PRXL2A: variants seen among roughly 807,000 people sequenced by gnomAD.
PRXL2A encodes peroxiredoxin like 2A.
PRXL2A carries 26 observed loss-of-function variants against 25.6 expected under a neutral mutation model. That is an observed-to-expected ratio of 1.02 (90% confidence interval 0.74 to 1.41). PRXL2A has a LOEUF of 1.41. Among genes scored for constraint, PRXL2A ranks in the 40% most tolerant of loss-of-function variants. The pLI is 0.00. For missense variants in PRXL2A, 246 were observed against 273.9 expected (o/e 0.90, Z 0.72); for synonymous variants, 98 against 102.9 (o/e 0.95, Z 0.29).
At chr10:80,429,554 CTAGCCTCTCCT>C (rs1845166743) in intron 5 of PRXL2A, among the ~76,000 whole-genome samples, 1 of 145,024 alleles carries the variant, frequency 6.9e-6, no homozygotes, top group Non-Finnish European at 1.5e-5. Flanking sequence ...CGCCCCGCCC[CTAGCCTCTCCT>C]GCCCTGCCCT....
intron 1 of PRXL2A, chr10:80,420,195 A>T (rs1844814312): frequency 9.1e-7 from 1 of 1,096,664 alleles, no homozygotes; most frequent in Non-Finnish European, 1.1e-6. Flanking sequence ...CAGCAAGAGA[A>T]CCATTTGAGA....
chr10:80,417,462 T>C (rs2131886456), intron 1 of PRXL2A, among the ~76,000 whole-genome samples: 1 of 152,272 alleles, frequency 6.6e-6, no homozygotes, highest in South Asian at 2.1e-4. Context: ...CAATTGGAGT[T>C]TGTCTGGCTT....
chr10:80,413,028 A>C (rs1270318773), intron 1 of PRXL2A, among the ~76,000 whole-genome samples: 1 of 152,136 alleles, frequency 6.6e-6, no homozygotes, highest in Non-Finnish European at 1.5e-5. Context: ...GAGGTCGAGA[A>C]GAGGATGGGT....
chr10:80,431,554 C>G (rs1845261312), intron 5 of PRXL2A, among the ~76,000 whole-genome samples: 1 of 152,018 alleles, frequency 6.6e-6, no homozygotes, highest in Non-Finnish European at 1.5e-5. Context: ...AAATGAGGGT[C>G]TCTCTTTTAG....
intron 3 of PRXL2A, among the ~76,000 whole-genome samples, 182 bp from the exon 4 acceptor site, chr10:80,425,684 G>A (rs1845016672): frequency 6.6e-6 from 1 of 152,226 alleles, no homozygotes; most frequent in African/African-American, 2.4e-5. Context: ...TGGGCAGGAG[G>A]AGAGGATGTG....
intron 5 of PRXL2A, 35 bp downstream of exon 5, chr10:80,427,531 G>A (rs1845091023): frequency 6.2e-7 from 1 of 1,607,824 alleles, no homozygotes; most frequent in African/African-American, 1.3e-5. Flanking sequence ...GTCTGTAGGT[G>A]TCTGTGTCTG....
chr10:80,421,343 T>C (rs1844856205), intron 2 of PRXL2A, among the ~76,000 whole-genome samples: 1 of 152,218 alleles, frequency 6.6e-6, no homozygotes, highest in Admixed American at 6.5e-5. Flanking sequence ...TGCTGTGTGC[T>C]CTCAGTGTTA....
At chr10:80,408,927 C>T in intron 1 of PRXL2A, 5 of 575,942 alleles carry the variant, frequency 8.7e-6, no homozygotes, top group Non-Finnish European at 1.1e-5. Context: ...CTGCGGCGGG[C>T]TAGGGCCCCC....
intron 3 of PRXL2A, among the ~76,000 whole-genome samples, chr10:80,425,516 G>A (rs1045974390): frequency 6.6e-6 from 1 of 152,242 alleles, no homozygotes; most frequent in Admixed American, 6.5e-5. Context: ...ACTAGCCAGG[G>A]AGATCTTTTT....
intron 5 of PRXL2A, among the ~76,000 whole-genome samples, chr10:80,430,329 T>C (rs536211963): frequency 4.6e-5 from 7 of 152,276 alleles, no homozygotes; most frequent in African/African-American, 1.7e-4. Flanking sequence ...CTCAAACTCC[T>C]GACCTCAAGT....
chr10:80,427,434 G>A lies in PRXL2A; in HGVS notation c.514G>A (p.Gly172Arg). The stretch of plus-strand genomic sequence containing the variant: ...CCGAGCCTGGAACGGAGGCTTCTCT[G>A]GAAACCTGGAAGGAGAAGGCTTCAT... The part of the protein sequence containing the change: ...FFRAWNGGFS[G>R]NLEGEGFILG... Residue 172 changes from glycine (G) to arginine (R), a missense_variant, in exon 5 of 6, where the codon GGA becomes AGA. Physicochemically the swap from Gly to Arg is moderately radical, Grantham distance 125. Transcript: ENST00000606162. The A allele has an allele frequency of 6.2e-7, 1 of 1,614,158 alleles. No homozygotes were observed.
intron 5 of PRXL2A, among the ~76,000 whole-genome samples, chr10:80,430,994 T>C (rs143029811): frequency 1.1e-3 from 169 of 152,204 alleles, no homozygotes; most frequent in African/African-American, 3.9e-3. Flanking sequence ...GCCTCCCAGG[T>C]TCAAGGGATT....
chr10:80,417,947 A>G (rs907938457), intron 1 of PRXL2A, among the ~76,000 whole-genome samples: 1 of 150,772 alleles, frequency 6.6e-6, no homozygotes, highest in African/African-American at 2.4e-5. Context: ...GGCTCAAGCA[A>G]CCCTCTTGCC....
chr10:80,420,049 C>T, intron 1 of PRXL2A: 1 of 986,252 alleles, frequency 1.0e-6, no homozygotes, highest in Non-Finnish European at 1.2e-6. Flanking sequence ...GGACATGATC[C>T]TGAGCCACCT....
At chr10:80,423,598 T>A (rs974841990) in intron 3 of PRXL2A, among the ~76,000 whole-genome samples, 1 of 152,184 alleles carries the variant, frequency 6.6e-6, no homozygotes, top group African/African-American at 2.4e-5. Flanking sequence ...ATGCATGTGA[T>A]GCCTGCAGTA....
rs1845411058 is a variant in PRXL2A, at chr10:80,436,668, T to C, written c.*4569T>C. 1 of 152,176 alleles carries C rather than the reference T, an allele frequency of 6.6e-6. No individual in the cohort carries two copies. The highest frequency in any genetic ancestry group is 1.5e-5 in the Non-Finnish European group (1 of 68,046). 9.4% of individuals were successfully genotyped at this position (152,176 alleles called of 1,614,324 possible). A position where few individuals can be genotyped will look rare whatever the true frequency, so the allele number is the denominator to read the frequency against. ...CTGGCTTTTCATTCTCCCCCAAGGCTACCCATAGAAACTAGAATCCCTCTT... is the reference window on the plus strand; with the variant it reads ...CTGGCTTTTCATTCTCCCCCAAGGCCACCCATAGAAACTAGAATCCCTCTT... On this transcript the variant is annotated 3_prime_UTR_variant, in exon 6 of 6. Transcript: ENST00000606162.
rs779514128 is a variant in PRXL2A, at chr10:80,432,131, A to AG, written c.*35dup. 1.5e-6 allele frequency: 2 copies of AG among 1,331,570 alleles called. No individual in the cohort carries two copies. The highest frequency in any genetic ancestry group is 2.9e-5 in the African/African-American group (2 of 67,988). 82.5% of individuals were successfully genotyped at this position (1,331,570 alleles called of 1,614,324 possible). On this transcript the variant is annotated 3_prime_UTR_variant, in exon 6 of 6. Coordinates refer to ENST00000606162, the MANE Select transcript of PRXL2A (RefSeq NM_032333.5). ...GAAACTGCCCAGCTCAGGGATAACC[A>AG]GGGACATTCACCTGTGTTCATGGGA...
intron 5 of PRXL2A, among the ~76,000 whole-genome samples, chr10:80,431,526 T>C (rs970446985): frequency 6.6e-6 from 1 of 152,178 alleles, no homozygotes; most frequent in African/African-American, 2.4e-5. Context: ...GCTTCCAGTT[T>C]CTTAGAAGAC....
chr10:80,425,905 C>T lies in PRXL2A; in HGVS notation c.310C>T (p.Gln104Ter). 1 of 1,614,224 alleles carries T rather than the reference C, an allele frequency of 6.2e-7. No homozygotes were observed. The highest frequency in any genetic ancestry group is 8.5e-7 in the Non-Finnish European group (1 of 1,180,038). The change falls in exon 4 of 6, where the codon CAG becomes TAG. Residue 104 changes from glutamine to a stop codon, truncating the protein, a stop_gained. Coordinates refer to ENST00000606162, the MANE Select transcript of PRXL2A (RefSeq NM_032333.5). LOFTEE classifies it high-confidence loss of function. Reference protein sequence around the residue: ...DLSSLKSMLDQLGVPLYAVVK... With the variant: ...DLSSLKSMLD The stretch of plus-strand genomic sequence containing the variant: ...GTCCTCCCTGAAAAGCATGTTGGAC[C>T]AGCTGGGCGTCCCCCTCTATGCAGT...
Sources: allele counts gnomAD v4.1 joint callset (sites outside exome capture counted in the v4.1 genomes callset), GRCh38; gene constraint gnomAD v4.1.1; transcripts MANE v1.5; gene names NCBI Gene and HGNC (gene_info 2026-07-23, HGNC 2026-07-21).